The following EXOC4 variants were observed in gnomAD, a reference collection of about 807,000 sequenced individuals.
The protein encoded by EXOC4 is exocyst complex component 4, also known as SEC8-like 1.
Under a neutral mutation model 107.2 loss-of-function variants are expected in EXOC4, and 71 were observed. That is an observed-to-expected ratio of 0.66 (90% CI 0.55 to 0.81). EXOC4 has a LOEUF of 0.81. Ranked by LOEUF, EXOC4 falls within the 30% of genes least tolerant of loss-of-function variation. EXOC4 has a pLI of 0.00. For missense variants in EXOC4, 1,108 were observed against 1,189.6 expected (o/e 0.93, Z 1.01); for synonymous variants, 456 against 441.2 (o/e 1.03, Z -0.42).
chr7:133,707,374 C>G (rs930474779), intron 10 of EXOC4, among the ~76,000 whole-genome samples: 7 of 150,532 alleles, frequency 4.7e-5, no homozygotes, highest in African/African-American at 1.7e-4. Flanking sequence ...CAGAGTGAGG[C>G]TTTTTATTGA....
chr7:134,071,660 G>A, the EXOC4 span, among the ~76,000 whole-genome samples: 1 of 152,154 alleles, frequency 6.6e-6, no homozygotes, highest in Non-Finnish European at 1.5e-5. Context: ...TTAGTTTGGG[G>A]AAGGCCCTAT....
intron 7 of EXOC4, among the ~76,000 whole-genome samples, chr7:133,434,463 G>A (rs572752491): frequency 6.6e-6 from 1 of 152,194 alleles, no homozygotes; most frequent in South Asian, 2.1e-4. Context: ...TCCCCCCTCT[G>A]GCATTAATGG....
chr7:133,624,952 T>G (rs1447535045), intron 9 of EXOC4, among the ~76,000 whole-genome samples: 1 of 151,512 alleles, frequency 6.6e-6, no homozygotes, highest in Admixed American at 6.6e-5. Context: ...CACTATCTAA[T>G]GTTTTTATAA....
chr7:133,970,530 T>C (rs894514232), intron 14 of EXOC4, among the ~76,000 whole-genome samples: 25 of 151,906 alleles, frequency 1.6e-4, no homozygotes, highest in African/African-American at 5.1e-4. Flanking sequence ...GGAAAAAGCA[T>C]AGTATCTGGG....
chr7:133,427,444 T>C (rs1797752598), intron 7 of EXOC4, among the ~76,000 whole-genome samples: 1 of 152,248 alleles, frequency 6.6e-6, no homozygotes, highest in African/African-American at 2.4e-5. Flanking sequence ...ACATGATCTG[T>C]TGTTCATAAA....
At chr7:133,888,527 A>G (rs1465014850) in intron 11 of EXOC4, among the ~76,000 whole-genome samples, 1 of 152,242 alleles carries the variant, frequency 6.6e-6, no homozygotes, top group Non-Finnish European at 1.5e-5. Flanking sequence ...GTCTTTTCTT[A>G]ATAAAAAATT....
intron 7 of EXOC4, among the ~76,000 whole-genome samples, chr7:133,406,310 A>G (rs1471705474): frequency 6.6e-6 from 1 of 152,216 alleles, no homozygotes; most frequent in Non-Finnish European, 1.5e-5. Flanking sequence ...TACCTTACAG[A>G]ATCATATCAA....
At chr7:133,382,940 G>A (rs1796649692) in intron 7 of EXOC4, among the ~76,000 whole-genome samples, 1 of 152,184 alleles carries the variant, frequency 6.6e-6, no homozygotes, top group South Asian at 2.1e-4. Context: ...CAAGGCTATA[G>A]CTATCATAGT....
At chr7:134,069,268 TC>T (rs1294492445), downstream of EXOC4, among the ~76,000 whole-genome samples, 2 of 148,678 alleles carry the variant, frequency 1.3e-5, no homozygotes, top group Non-Finnish European at 3.0e-5. Context: ...TCCTCCCTCC[TC>T]TTCTCCTCCT....
chr7:134,027,607 G>A (rs554235091), intron 17 of EXOC4, among the ~76,000 whole-genome samples: 16 of 142,148 alleles, frequency 1.1e-4, no homozygotes, highest in East Asian at 2.1e-4. Context: ...GCAGTGAGCC[G>A]AGATCACGCC....
rs1379295379 is a variant in EXOC4 at position 133,937,320 on chromosome 7, T to G, written c.2028-571T>G. Among the ~76,000 whole-genome samples the G allele has an allele frequency of 2.0e-5, 3 of 152,228 alleles. No homozygotes were observed. In the East Asian group the frequency reaches 5.8e-4, roughly 29 times the overall value. On this transcript the variant is annotated intron_variant, in intron 13 of 17. Coordinates refer to ENST00000253861, the MANE Select transcript of EXOC4 (RefSeq NM_021807.4). ...TTTCTTTTTCCAAATGCTAAATGCC[T>G]TAATACTTATACTTTATGTGTGTTG...
chr7:133,390,156 CTCTG>C (rs1390241283), intron 7 of EXOC4, among the ~76,000 whole-genome samples: 14 of 152,152 alleles, frequency 9.2e-5, no homozygotes, highest in African/African-American at 3.1e-4. Context: ...TTTAGGGATT[CTCTG>C]TCTGCCTGGG....
intron 10 of EXOC4, among the ~76,000 whole-genome samples, chr7:133,792,647 A>AAT (rs1255446931): frequency 2.2e-4 from 1 of 4,542 alleles, no homozygotes; most frequent in Non-Finnish European, 2.3e-3. Flanking sequence ...AAAAATATGG[A>AAT]ATAAAAAACC....
At chr7:133,529,949 T>C (rs1288719592) in intron 9 of EXOC4, among the ~76,000 whole-genome samples, 1 of 152,158 alleles carries the variant, frequency 6.6e-6, no homozygotes, top group Non-Finnish European at 1.5e-5. Flanking sequence ...TAATGTATAT[T>C]GGGAGTTTAC....
chr7:133,408,839 T>A (rs1428556511), intron 7 of EXOC4, among the ~76,000 whole-genome samples: 1 of 152,218 alleles, frequency 6.6e-6, no homozygotes, highest in African/African-American at 2.4e-5. Context: ...ACCTGTATTC[T>A]GGTACTGTGG....
the EXOC4 span, among the ~76,000 whole-genome samples, chr7:134,072,281 TTAAGAA>T: frequency 1.3e-5 from 2 of 152,288 alleles, no homozygotes; most frequent in East Asian, 3.9e-4. Flanking sequence ...AAAAGACAGA[TTAAGAA>T]GAAGAAAGCA....
intron 14 of EXOC4, among the ~76,000 whole-genome samples, chr7:133,952,324 C>G (rs1800711894): frequency 6.6e-6 from 1 of 152,192 alleles, no homozygotes; most frequent in Admixed American, 6.5e-5. Flanking sequence ...TTTGGAATAG[C>G]TGTAGTTAAG....
intron 10 of EXOC4, among the ~76,000 whole-genome samples, chr7:133,773,858 G>C (rs1162498562): frequency 2.0e-5 from 3 of 152,030 alleles, no homozygotes; most frequent in Non-Finnish European, 4.4e-5. Context: ...GCTACCAGTA[G>C]AAGACATGTT....
At chr7:133,488,360 C>T (rs552670790) in intron 9 of EXOC4, among the ~76,000 whole-genome samples, 1 of 152,234 alleles carries the variant, frequency 6.6e-6, no homozygotes, top group Admixed American at 6.5e-5. Context: ...TCAAGGTAGA[C>T]AACAGGTAAA....
Sources: allele counts gnomAD v4.1 joint callset (sites outside exome capture counted in the v4.1 genomes callset), GRCh38; gene constraint gnomAD v4.1.1; transcripts MANE v1.5; gene names NCBI Gene and HGNC (gene_info 2026-07-23, HGNC 2026-07-21).